KIAA1549L: variants seen among roughly 807,000 people sequenced by gnomAD.
KIAA1549L encodes KIAA1549 like.
A neutral mutation model predicts 160.7 loss-of-function variants in KIAA1549L; 88 were observed. That is an observed-to-expected ratio of 0.55 (90% CI 0.46 to 0.65). The LOEUF (loss-of-function observed/expected upper bound fraction) is 0.65, where lower values mean the gene tolerates loss of function less well. Among genes scored for constraint, KIAA1549L ranks in the 30% least tolerant of loss-of-function variants. The pLI is 0.00. For missense variants in KIAA1549L, 2,258 were observed against 2,437.5 expected, an observed-to-expected ratio of 0.93 and a Z score of 1.55; for synonymous variants, 950 against 976.7, an observed-to-expected ratio of 0.97 and a Z score of 0.51.
At chr11:33,489,317 A>G (rs1193395650) in intron 1 of KIAA1549L, among the ~76,000 whole-genome samples, 5 of 152,194 alleles carry the variant, frequency 3.3e-5, no homozygotes, top group Non-Finnish European at 7.3e-5. Context: ...ATGCAGAGAG[A>G]GACAGAGACA....
At chr11:33,501,280 A>G (rs1483414195) in intron 1 of KIAA1549L, among the ~76,000 whole-genome samples, 1 of 152,240 alleles carries the variant, frequency 6.6e-6, no homozygotes, top group Non-Finnish European at 1.5e-5. Flanking sequence ...ATGGCTACAA[A>G]TACATTTTAA....
intron 1 of KIAA1549L, among the ~76,000 whole-genome samples, chr11:33,434,077 C>G (rs1851307033): frequency 6.8e-6 from 1 of 147,728 alleles, no homozygotes; most frequent in Non-Finnish European, 1.5e-5. Flanking sequence ...ATAAAGCCCC[C>G]CCCGCCACCA....
At chr11:33,571,690 T>C (rs1346070834) in intron 9 of KIAA1549L, among the ~76,000 whole-genome samples, 2 of 152,196 alleles carry the variant, frequency 1.3e-5, no homozygotes, top group Non-Finnish European at 2.9e-5. Context: ...CACCAAGCCA[T>C]GAGGGAGCTG....
At chr11:33,604,874 A>G (rs1036573852) in intron 13 of KIAA1549L, among the ~76,000 whole-genome samples, 4 of 152,234 alleles carry the variant, frequency 2.6e-5, no homozygotes, top group Non-Finnish European at 5.9e-5. Context: ...TGACGGGTAC[A>G]CTAAAATCTC....
intron 20 of KIAA1549L, among the ~76,000 whole-genome samples, chr11:33,666,096 C>T (rs1165628254): frequency 6.6e-6 from 1 of 152,110 alleles, no homozygotes; most frequent in African/African-American, 2.4e-5. Flanking sequence ...TTCTGGCCCC[C>T]TCCAAATCCA....
intron 11 of KIAA1549L, among the ~76,000 whole-genome samples, chr11:33,586,980 C>G (rs553296164): frequency 6.6e-6 from 1 of 152,290 alleles, no homozygotes; most frequent in African/African-American, 2.4e-5. Context: ...TTTATATGTT[C>G]AGCACCAAAG....
intron 6 of KIAA1549L, among the ~76,000 whole-genome samples, chr11:33,556,893 AT>A (rs1239596654): frequency 3.9e-5 from 6 of 152,382 alleles, no homozygotes; most frequent in African/African-American, 1.2e-4. Context: ...CAATAAAAAA[AT>A]AATTATAACT....
At chr11:33,592,743 C>T (rs1438552060) in intron 12 of KIAA1549L, among the ~76,000 whole-genome samples, 1 of 152,142 alleles carries the variant, frequency 6.6e-6, no homozygotes, top group Non-Finnish European at 1.5e-5. Flanking sequence ...AACCAAAGCA[C>T]AGTTAAGGGA....
intron 9 of KIAA1549L, among the ~76,000 whole-genome samples, chr11:33,570,432 C>G (rs553759071): frequency 7.5e-6 from 1 of 133,118 alleles, no homozygotes; most frequent in African/African-American, 2.8e-5. Flanking sequence ...TTGTAACATA[C>G]CCTTAAGGAA....
At chr11:33,658,940 G>A (rs376757755) in intron 19 of KIAA1549L, 42 bp downstream of exon 19, 144 of 1,507,886 alleles carry the variant, frequency 9.5e-5, no homozygotes, top group Non-Finnish European at 1.2e-4. Flanking sequence ...CACCACTGCT[G>A]CTGTGCCCTG....
intron 1 of KIAA1549L, among the ~76,000 whole-genome samples, chr11:33,528,366 A>G (rs746983046): frequency 1.3e-5 from 2 of 152,262 alleles, no homozygotes; most frequent in Non-Finnish European, 2.9e-5. Context: ...GAATACTTCT[A>G]CACTGTTGGT....
chr11:33,543,702 A>G lies in KIAA1549L; in HGVS notation c.2139A>G (p.Ile713Met), dbSNP rs779669457. The change falls in exon 2 of 21, where the codon ATA (isoleucine) becomes ATG (methionine). Residue 713 changes from isoleucine to methionine, a missense_variant. Around this residue, in one of 6 missense-constraint regions of KIAA1549L, gnomAD observed 287 missense variants for 292.3 expected, o/e 0.98. Transcript: ENST00000658780. ...ETGSLSTESI[I>M]SGLQQQTNYD... ...GATCTCTTTCCACAGAATCAATAATATCTGGCTTGCAGCAGCAAACAAATT... is the reference window on the plus strand; with the variant it reads ...GATCTCTTTCCACAGAATCAATAATGTCTGGCTTGCAGCAGCAAACAAATT... 3.7e-6 allele frequency: 6 copies of G among 1,614,038 alleles called. No individual in the cohort carries two copies. The South Asian group carries it at 6.6e-5, about 18-fold the overall frequency.
chr11:33,428,396 GCAC>G (rs774057688), intron 1 of KIAA1549L, among the ~76,000 whole-genome samples: 1 of 152,052 alleles, frequency 6.6e-6, no homozygotes, highest in Non-Finnish European at 1.5e-5. Context: ...TTGGTTTGTT[GCAC>G]CCATCAACTC....
chr11:33,651,218 C>T (rs1851874020), intron 17 of KIAA1549L, among the ~76,000 whole-genome samples: 1 of 152,136 alleles, frequency 6.6e-6, no homozygotes, highest in Admixed American at 6.5e-5. Flanking sequence ...TCAGGCGGAT[C>T]ACAAGGTCAG....
chr11:33,542,053 G>A lies in KIAA1549L; in HGVS notation c.490G>A (p.Gly164Arg), dbSNP rs76672414. Reference protein sequence around the residue: ...DFSSSLYQGSGHSASLEPSKD... With the variant: ...DFSSSLYQGSRHSASLEPSKD... ...CTCTTCTTCCCTTTACCAAGGAAGC[G>A]GACATAGCGCCTCCCTCGAACCTTC... The change falls in exon 2 of 21, where the codon GGA becomes AGA. Residue 164 changes from glycine to arginine, a missense_variant. Physicochemically the swap from Gly to Arg is moderately radical, Grantham distance 125. Around this residue, in one of 6 missense-constraint regions of KIAA1549L, gnomAD observed 540 missense variants for 465.7 expected, o/e 1.16. Transcript: ENST00000658780. The A allele has an allele frequency of 2.6e-3, 1,235 of 466,510 alleles. 9 individuals carry two copies. Among genetic ancestry groups the A allele is most frequent in the African/African-American group, 0.021 (1,076 of 50,580 alleles). The allele number at this position is 466,510 out of a possible 1,614,324, so 28.9% of individuals were successfully genotyped here.
chr11:33,555,967 A>G (rs1330363803), intron 6 of KIAA1549L, among the ~76,000 whole-genome samples: 1 of 152,140 alleles, frequency 6.6e-6, no homozygotes, highest in African/African-American at 2.4e-5. Flanking sequence ...CAATAATAAA[A>G]ACAAACAAAA....
intron 1 of KIAA1549L, among the ~76,000 whole-genome samples, chr11:33,502,704 T>C (rs555542302): frequency 3.3e-5 from 5 of 152,340 alleles, no homozygotes; most frequent in African/African-American, 1.2e-4. Flanking sequence ...TGGAGTATAG[T>C]GTGGTTTCAT....
At chr11:33,647,961 A>G (rs576857713) in intron 17 of KIAA1549L, among the ~76,000 whole-genome samples, 1 of 152,192 alleles carries the variant, frequency 6.6e-6, no homozygotes, top group African/African-American at 2.4e-5. Context: ...CAACAGAGAG[A>G]TGGGTCATCA....
intron 15 of KIAA1549L, among the ~76,000 whole-genome samples, chr11:33,612,953 T>C (rs2143812): frequency 0.97 from 148,071 of 152,334 alleles, 71,992 homozygotes; most frequent in East Asian, 1. Context: ...ATTATGGCTG[T>C]ATAGTATTCC....
Sources: allele counts gnomAD v4.1 joint callset (sites outside exome capture counted in the v4.1 genomes callset), GRCh38; gene constraint gnomAD v4.1.1; regional missense constraint gnomAD v4.1.1; transcripts MANE v1.5; gene names NCBI Gene and HGNC (gene_info 2026-07-23, HGNC 2026-07-21).